PLSCR1: variants seen among roughly 807,000 people sequenced by gnomAD.
PLSCR1 encodes PL scramblase 1.
In PLSCR1, 17 loss-of-function variants were observed where a neutral mutation model predicts 37.8. The ratio of observed to expected loss-of-function variants is 0.45; its 90% CI spans 0.31 to 0.68. The LOEUF is 0.68. PLSCR1 is among the 30% of genes least tolerant of loss of function. PLSCR1 has a pLI of 0.06. For missense variants in PLSCR1, 347 were observed against 380.9 expected (o/e 0.91, Z 0.74); for synonymous variants, 116 against 125.9 (o/e 0.92, Z 0.53).
At position 146,536,568 on chromosome 3, in the gene PLSCR1, G is replaced by A. The variant is rs751489454; in HGVS notation, c.-13-3C>T. On this transcript the variant is annotated splice_region_variant and splice_polypyrimidine_tract_variant and intron_variant, in intron 1 of 8. Transcript: ENST00000342435. ...GTTTGTCCATGATTAAAACAGTTCT[G>A]AAAAAGAAGATCTGACATTAACACA... The A allele has an allele frequency of 9.6e-6, 14 of 1,463,842 alleles. No individual in the cohort carries two copies. The Admixed American group carries it at 2.0e-4, about 21-fold the overall frequency. The allele number at this position is 1,463,842 out of a possible 1,614,324, so 90.7% of individuals were successfully genotyped here.
intron 4 of PLSCR1, 79 bp from the exon 5 acceptor site, chr3:146,525,726 A>G (rs897858455): frequency 3.0e-6 from 2 of 660,328 alleles, no homozygotes; most frequent in Non-Finnish European, 5.3e-6. Context: ...AAATTCATGT[A>G]TTTATATTTT....
chr3:146,516,834 T>G, intron 8 of PLSCR1, 172 bp downstream of exon 8: 1 of 525,682 alleles, frequency 1.9e-6, no homozygotes, highest in East Asian at 3.6e-5. Flanking sequence ...TAGTCACCTG[T>G]GACCCCAGAG....
chr3:146,538,385 A>T (rs1337042778), intron 1 of PLSCR1, among the ~76,000 whole-genome samples: 1 of 152,206 alleles, frequency 6.6e-6, no homozygotes, highest in East Asian at 1.9e-4. Context: ...CCAATTTTTT[A>T]AAAATATGCG....
At chr3:146,543,467 A>G (rs764138907) in intron 1 of PLSCR1, among the ~76,000 whole-genome samples, 2 of 152,216 alleles carry the variant, frequency 1.3e-5, no homozygotes, top group Non-Finnish European at 2.9e-5. Context: ...GCTCTTAGAA[A>G]AAGTTCAAGA....
At chr3:146,532,287 T>G (rs777964765) in intron 3 of PLSCR1, among the ~76,000 whole-genome samples, 1 of 152,168 alleles carries the variant, frequency 6.6e-6, no homozygotes, top group African/African-American at 2.4e-5. Context: ...TTACTAATGA[T>G]TTTTCAAACA....
Position 146,533,480 on chromosome 3 carries a change from T to C in PLSCR1, c.84A>G (p.Thr28=). Residue 28 remains threonine (T), a synonymous_variant, in exon 3 of 9, where the codon ACA becomes ACG. Transcript: ENST00000342435. The part of the protein sequence containing the change: ...PVGYPPQYPP[T]AFQGPPGYSG... ...CAGCAACTGCTTTACCTTGGAATGCTGTCGGTGGATACTGAGGAGGATACC... is the reference window on the plus strand; with the variant it reads ...CAGCAACTGCTTTACCTTGGAATGCCGTCGGTGGATACTGAGGAGGATACC... 1 of 1,594,758 alleles carries C rather than the reference T, an allele frequency of 6.3e-7. No individual in the cohort carries two copies. The highest frequency in any genetic ancestry group is 8.6e-7 in the Non-Finnish European group (1 of 1,165,018).
rs568745408 is a variant in PLSCR1, at chr3:146,541,306, A to C, written c.-14+3161T>G. 4.6e-5 allele frequency: 7 copies of C among 152,336 alleles called. No individual in the cohort carries two copies. The East Asian group carries it at 1.3e-3, about 29-fold the overall frequency. The allele number at this position is 152,336 out of a possible 1,614,324, so 9.4% of individuals were successfully genotyped here. A position where few individuals can be genotyped will look rare whatever the true frequency, so the allele number is the denominator to read the frequency against. ...GGACCAAGTGAGATGGTAGTGATCA[A>C]GTGTTCTACAAAACTAAAAAGTAAA... On this transcript the variant is annotated intron_variant, in intron 1 of 8. Transcript: ENST00000342435.
chr3:146,524,198 A>C (rs921974223), intron 5 of PLSCR1, among the ~76,000 whole-genome samples: 1 of 152,230 alleles, frequency 6.6e-6, no homozygotes, highest in African/African-American at 2.4e-5. Flanking sequence ...TTAATCTCAA[A>C]AATCTCCAGC....
At chr3:146,539,957 C>T (rs2044316188) in intron 1 of PLSCR1, among the ~76,000 whole-genome samples, 1 of 152,092 alleles carries the variant, frequency 6.6e-6, no homozygotes, top group Non-Finnish European at 1.5e-5. Context: ...TTATAATGAT[C>T]CTTTGGGTTT....
At chr3:146,539,884 A>G (rs2044315176) in intron 1 of PLSCR1, among the ~76,000 whole-genome samples, 1 of 152,220 alleles carries the variant, frequency 6.6e-6, no homozygotes, top group Non-Finnish European at 1.5e-5. Context: ...CAAGTAGATA[A>G]GGCACTGTGT....
At chr3:146,534,670 G>C (rs9815834) in intron 2 of PLSCR1, among the ~76,000 whole-genome samples, 22,077 of 151,822 alleles carry the variant, frequency 0.15, 1,792 homozygotes, top group Non-Finnish European at 0.16. Context: ...TCTCCTACTC[G>C]TTCAAGACTA....
At position 146,533,553 on chromosome 3, in the gene PLSCR1, G is replaced by C; in HGVS notation, c.14-3C>G. The C allele has an allele frequency of 6.3e-7, 1 of 1,580,354 alleles. No homozygotes were observed. The highest frequency in any genetic ancestry group is 8.7e-7 in the Non-Finnish European group (1 of 1,152,068). On this transcript the variant is annotated splice_region_variant and splice_polypyrimidine_tract_variant and intron_variant, in intron 2 of 8. Coordinates refer to ENST00000342435, the MANE Select transcript of PLSCR1 (RefSeq NM_021105.3). Reference sequence around the variant, plus strand: ...GTGAGAAGCATTCATCTGTGAGTCTGCAATTCAAGGAGAGGTAAATAGATG... The same window carrying C: ...GTGAGAAGCATTCATCTGTGAGTCTCCAATTCAAGGAGAGGTAAATAGATG...
chr3:146,542,431 A>G (rs908689500), intron 1 of PLSCR1, among the ~76,000 whole-genome samples: 1 of 152,212 alleles, frequency 6.6e-6, no homozygotes, highest in Non-Finnish European at 1.5e-5. Flanking sequence ...AGTAAATTCT[A>G]TGACGTTCTC....
intron 5 of PLSCR1, 185 bp downstream of exon 5, chr3:146,525,420 T>A (rs558761058): frequency 5.8e-5 from 31 of 530,514 alleles, no homozygotes; most frequent in Non-Finnish European, 1.0e-4. Flanking sequence ...GTGCCCAACA[T>A]AACAGCATTT....
intron 5 of PLSCR1, among the ~76,000 whole-genome samples, chr3:146,524,933 CA>C (rs1485457142): frequency 6.6e-6 from 1 of 152,114 alleles, no homozygotes; most frequent in Non-Finnish European, 1.5e-5. Context: ...AGAAGGAAAA[CA>C]CTATGGTTCA....
intron 1 of PLSCR1, among the ~76,000 whole-genome samples, chr3:146,540,565 A>C (rs73155105): frequency 2.5e-4 from 38 of 152,312 alleles, no homozygotes; most frequent in Non-Finnish European, 4.1e-4. Flanking sequence ...CTTAATTTTG[A>C]AAGTTCCTAA....
In PLSCR1 at chr3:146,528,795, AC is replaced by A. The variant is rs1437790826; in HGVS notation, c.130del (p.Val44SerfsTer50). ...GCCGGCTGGTGGGGGTGGGTAGCTG[AC>A]CTGGGGCCCAGGGTAGCCACTATAT... ...PGYSGYPGPQ[V>X]SYPPPPAGHS... On this transcript the variant is annotated frameshift_variant, in exon 4 of 9. Coordinates refer to ENST00000342435, the MANE Select transcript of PLSCR1 (RefSeq NM_021105.3). LOFTEE classifies it high-confidence loss of function. 6.2e-7 allele frequency: 1 copy of A among 1,613,910 alleles called. No homozygotes were observed.
At chr3:146,523,773 A>G (rs935856703) in intron 5 of PLSCR1, among the ~76,000 whole-genome samples, 3 of 152,226 alleles carry the variant, frequency 2.0e-5, no homozygotes, top group African/African-American at 7.2e-5. Flanking sequence ...GCTGACACTC[A>G]CATACTTTGT....
At chr3:146,522,377 A>G (rs918953922) in intron 5 of PLSCR1, among the ~76,000 whole-genome samples, 2 of 152,050 alleles carry the variant, frequency 1.3e-5, no homozygotes, top group African/African-American at 4.8e-5. Context: ...GATGCTGTTA[A>G]TCTGTAACCC....
Sources: gnomAD v4.1 joint callset for allele counts (sites outside exome capture counted in the v4.1 genomes callset) on GRCh38, gnomAD v4.1.1 for gene constraint, MANE v1.5 for transcripts, NCBI Gene and HGNC (gene_info 2026-07-23, HGNC 2026-07-21) for gene names.